The following PDE4B variants were observed in gnomAD, a reference collection of about 807,000 sequenced individuals.
PDE4B encodes the protein 3',5'-cyclic-AMP phosphodiesterase 4B.
In PDE4B, 20 loss-of-function variants were observed where a neutral mutation model predicts 82.2. The ratio of observed to expected loss-of-function variants is 0.24; its 90% CI spans 0.17 to 0.35. PDE4B has a LOEUF of 0.35. PDE4B is among the 10% of genes least tolerant of loss of function. The probability of loss-of-function intolerance (pLI) is 1.00; values close to 1 mark genes in which losing one functional copy is unlikely to be tolerated. For synonymous variants in PDE4B, 320 were observed against 318.9 expected, an observed-to-expected ratio of 1.00 and a Z score of -0.04; for missense variants, 655 against 907.2, an observed-to-expected ratio of 0.72 and a Z score of 3.57.
intron 3 of PDE4B, among the ~76,000 whole-genome samples, chr1:66,151,938 C>T (rs1426828733): frequency 6.6e-6 from 1 of 152,168 alleles, no homozygotes; most frequent in African/African-American, 2.4e-5. Context: ...CCTAGTGCAA[C>T]ACTGAGAAAC....
intron 3 of PDE4B, among the ~76,000 whole-genome samples, chr1:66,236,035 G>A (rs1455312289): frequency 2.0e-5 from 3 of 152,210 alleles, no homozygotes; most frequent in Admixed American, 6.5e-5. Context: ...TAAGCTTTCA[G>A]TTAATTTATA....
intron 1 of PDE4B, among the ~76,000 whole-genome samples, chr1:65,829,472 C>T (rs1372552260): frequency 1.3e-5 from 2 of 152,140 alleles, no homozygotes; most frequent in African/African-American, 2.4e-5. Context: ...TTATAGAGCA[C>T]TCCAATCAAC....
chr1:66,088,995 A>C (rs1442027064), intron 3 of PDE4B, among the ~76,000 whole-genome samples: 1 of 152,124 alleles, frequency 6.6e-6, no homozygotes, highest in Non-Finnish European at 1.5e-5. Flanking sequence ...TTAGACACGT[A>C]GTGAGAATGA....
At chr1:66,345,203 T>G (rs1392391347) in intron 8 of PDE4B, among the ~76,000 whole-genome samples, 1 of 152,172 alleles carries the variant, frequency 6.6e-6, no homozygotes, top group Middle Eastern at 3.2e-3. Context: ...TCTTGTTCTC[T>G]TTGCTCAAAA....
intron 1 of PDE4B, among the ~76,000 whole-genome samples, chr1:65,857,548 G>C (rs1236417285): frequency 6.6e-6 from 1 of 152,216 alleles, no homozygotes; most frequent in Non-Finnish European, 1.5e-5. Context: ...CAAACCAGGT[G>C]CAGTGGTGTG....
chr1:65,927,254 CTG>C (rs1035985714), intron 3 of PDE4B, among the ~76,000 whole-genome samples: 5 of 151,430 alleles, frequency 3.3e-5, no homozygotes, highest in Non-Finnish European at 5.9e-5. Flanking sequence ...TAAAACATAA[CTG>C]TTTCAAGCAA....
At chr1:66,101,053 T>G (rs142427673) in intron 3 of PDE4B, among the ~76,000 whole-genome samples, 8 of 152,082 alleles carry the variant, frequency 5.3e-5, no homozygotes, top group Non-Finnish European at 1.2e-4. Flanking sequence ...CATTGTTCAA[T>G]TTCCACCTAT....
At chr1:66,369,043 G>C in intron 16 of PDE4B, 74 bp downstream of exon 16, 4 of 1,147,502 alleles carry the variant, frequency 3.5e-6, no homozygotes, top group Non-Finnish European at 4.9e-6. Flanking sequence ...ATTTAATTCC[G>C]TTTTTCCAAT....
At chr1:65,881,727 C>G (rs760613367) in intron 1 of PDE4B, among the ~76,000 whole-genome samples, 10 of 152,134 alleles carry the variant, frequency 6.6e-5, no homozygotes, top group Non-Finnish European at 1.2e-4. Flanking sequence ...AATCTGTACT[C>G]TTAAAAAATT....
intron 3 of PDE4B, among the ~76,000 whole-genome samples, chr1:65,953,355 A>T (rs571923367): frequency 6.6e-6 from 1 of 152,226 alleles, no homozygotes; most frequent in African/African-American, 2.4e-5. Context: ...ACATTATGAG[A>T]TAAAGGGACT....
At chr1:66,254,965 C>T (rs6672372) in intron 4 of PDE4B, among the ~76,000 whole-genome samples, 32,042 of 152,060 alleles carry the variant, frequency 0.21, 6,962 homozygotes, top group African/African-American at 0.54. Flanking sequence ...ATCTCACTTT[C>T]CATCTCACTA....
intron 3 of PDE4B, among the ~76,000 whole-genome samples, chr1:66,174,785 A>T (rs1284071930): frequency 6.6e-6 from 1 of 151,762 alleles, no homozygotes; most frequent in Non-Finnish European, 1.5e-5. Context: ...AACAACAACA[A>T]CAACAACAAA....
intron 3 of PDE4B, among the ~76,000 whole-genome samples, chr1:66,105,248 G>A (rs1401380033): frequency 1.4e-5 from 2 of 147,376 alleles, no homozygotes. Context: ...TCAGATAGTT[G>A]TAGATATGTG....
intron 3 of PDE4B, among the ~76,000 whole-genome samples, chr1:65,968,437 G>T (rs1220084782): frequency 6.6e-6 from 1 of 152,058 alleles, no homozygotes; most frequent in East Asian, 1.9e-4. Flanking sequence ...ACAGTCCCTG[G>T]CCTTGGGGTC....
In PDE4B at chr1:66,020,499, T is replaced by C. The variant is rs540267532; in HGVS notation, c.281+101664T>C. 2.6e-5 allele frequency among the ~76,000 whole-genome samples: 4 copies of C among 151,384 alleles called. No homozygotes were observed. The East Asian group carries it at 5.9e-4, about 22-fold the overall frequency. On this transcript the variant is annotated intron_variant, in intron 3 of 16. Transcript: ENST00000341517. ...CCCATGGACAGGCCCTGGTGTGTGATGTTCCCCAACCTGTGTCCAAGTGTT... is the reference window on the plus strand; with the variant it reads ...CCCATGGACAGGCCCTGGTGTGTGACGTTCCCCAACCTGTGTCCAAGTGTT...
chr1:66,022,977 A>G (rs1253230089), intron 3 of PDE4B, among the ~76,000 whole-genome samples: 1 of 152,116 alleles, frequency 6.6e-6, no homozygotes, highest in Admixed American at 6.5e-5. Context: ...TATTGCCTCA[A>G]TTTCAGAACC....
rs541258799 is a variant in PDE4B at position 66,313,766 on chromosome 1, T to C, written c.635-18742T>C. Among the ~76,000 whole-genome samples, 16 of 152,266 alleles carry C rather than the reference T, an allele frequency of 1.1e-4. No individual in the cohort carries two copies. The South Asian group carries it at 3.1e-3, about 30-fold the overall frequency. On this transcript the variant is annotated intron_variant, in intron 7 of 16. Transcript: ENST00000341517. Reference sequence around the variant, plus strand: ...GCTGAGATAATTTGGGGGAGATCTCTTGTAAGTATTTGGCCCTGACCTTTC... The same window carrying C: ...GCTGAGATAATTTGGGGGAGATCTCCTGTAAGTATTTGGCCCTGACCTTTC...
intron 1 of PDE4B, among the ~76,000 whole-genome samples, chr1:65,876,024 T>G (rs938961036): frequency 6.6e-6 from 1 of 152,076 alleles, no homozygotes; most frequent in African/African-American, 2.4e-5. Flanking sequence ...TTCAATTGCT[T>G]TATTTATTTT....
chr1:65,833,834 A>G (rs1158317732), intron 1 of PDE4B, among the ~76,000 whole-genome samples: 1 of 152,224 alleles, frequency 6.6e-6, no homozygotes, highest in African/African-American at 2.4e-5. Context: ...GTTAAAAATC[A>G]AATTATTTAA....
Sources: gnomAD v4.1 joint callset for allele counts (sites outside exome capture counted in the v4.1 genomes callset) on GRCh38, gnomAD v4.1.1 for gene constraint, MANE v1.5 for transcripts, NCBI Gene and HGNC (gene_info 2026-07-23, HGNC 2026-07-21) for gene names.